AGBL4: variants seen among roughly 807,000 people sequenced by gnomAD.
The protein encoded by AGBL4 is cytosolic carboxypeptidase 6.
A neutral mutation model predicts 66.4 loss-of-function variants in AGBL4; 58 were observed. The observed-to-expected ratio is 0.87, with a 90% confidence interval of 0.71 to 1.09. The LOEUF (loss-of-function observed/expected upper bound fraction) is 1.09, where lower values mean the gene tolerates loss of function less well. AGBL4 is among the 50% of genes least tolerant of loss of function. AGBL4 has a pLI of 0.00. For missense variants in AGBL4, 579 were observed against 631.0 expected, an observed-to-expected ratio of 0.92 and a Z score of 0.88; for synonymous variants, 234 against 222.9, an observed-to-expected ratio of 1.05 and a Z score of -0.44.
intron 3 of AGBL4, among the ~76,000 whole-genome samples, chr1:49,669,155 T>A (rs557847883): frequency 6.6e-6 from 1 of 152,032 alleles, no homozygotes; most frequent in African/African-American, 2.4e-5. Flanking sequence ...GTGATGAGAA[T>A]AGAACCCTCA....
chr1:49,474,949 T>C (rs1294175543), intron 3 of AGBL4, among the ~76,000 whole-genome samples: 1 of 152,084 alleles, frequency 6.6e-6, no homozygotes, highest in Non-Finnish European at 1.5e-5. Flanking sequence ...ACTGGATTGT[T>C]CCAGCTAAAA....
intron 3 of AGBL4, among the ~76,000 whole-genome samples, chr1:49,540,332 A>T (rs1481240452): frequency 3.9e-5 from 6 of 152,176 alleles, no homozygotes; most frequent in African/African-American, 1.4e-4. Flanking sequence ...CTTTTCCAAC[A>T]GGCAATATAC....
intron 2 of AGBL4, among the ~76,000 whole-genome samples, chr1:49,750,477 C>T (rs998346606): frequency 1.3e-5 from 2 of 152,154 alleles, no homozygotes; most frequent in Non-Finnish European, 2.9e-5. Context: ...CTGTACCACG[C>T]TGTTTGGGTT....
Position 49,286,030 on chromosome 1 carries a change from C to T in AGBL4, c.283-40166G>A, listed in dbSNP as rs184960469. On this transcript the variant is annotated intron_variant, in intron 3 of 13. Transcript: ENST00000371839. ...TTATCCACCATGATCAAGTGGGCTT[C>T]ATCCCTGCGATGCAAGGCTGGTTCA... Among the ~76,000 whole-genome samples the T allele has an allele frequency of 2.0e-5, 3 of 152,304 alleles. No individual in the cohort carries two copies. In the East Asian group the frequency reaches 5.8e-4, roughly 29 times the overall value.
At chr1:49,707,766 A>T (rs1354587681) in intron 2 of AGBL4, among the ~76,000 whole-genome samples, 1 of 152,054 alleles carries the variant, frequency 6.6e-6, no homozygotes, top group Non-Finnish European at 1.5e-5. Flanking sequence ...AAAATTCCTC[A>T]GCATTTGATT....
chr1:48,836,643 G>A (rs997927924), intron 6 of AGBL4, among the ~76,000 whole-genome samples: 1 of 152,112 alleles, frequency 6.6e-6, no homozygotes, highest in Non-Finnish European at 1.5e-5. Flanking sequence ...ATCAGTGTCA[G>A]ATGGGAAAAT....
chr1:49,552,266 G>T (rs867342265), intron 3 of AGBL4, among the ~76,000 whole-genome samples: 1 of 152,094 alleles, frequency 6.6e-6, no homozygotes, highest in Non-Finnish European at 1.5e-5. Flanking sequence ...TTCTTCCCCC[G>T]CCTGTGGAGT....
chr1:49,820,804 G>A (rs778276526), intron 2 of AGBL4, among the ~76,000 whole-genome samples: 1 of 152,258 alleles, frequency 6.6e-6, no homozygotes, highest in South Asian at 2.1e-4. Context: ...ATAAGAACAG[G>A]TTTTGAGGTC....
intron 3 of AGBL4, among the ~76,000 whole-genome samples, chr1:49,405,200 A>G (rs902068734): frequency 6.6e-6 from 1 of 152,200 alleles, no homozygotes; most frequent in Admixed American, 6.5e-5. Context: ...AATAACATTC[A>G]GAGAGGCCCA....
chr1:49,747,556 A>T (rs1334107525), intron 2 of AGBL4, among the ~76,000 whole-genome samples: 1 of 152,198 alleles, frequency 6.6e-6, no homozygotes, highest in Non-Finnish European at 1.5e-5. Context: ...AGTTTTTCCT[A>T]ACCCAAAATG....
chr1:49,880,021 T>G (rs1647167771), intron 1 of AGBL4, among the ~76,000 whole-genome samples: 1 of 151,108 alleles, frequency 6.6e-6, no homozygotes, highest in Non-Finnish European at 1.5e-5. Flanking sequence ...TCAGCTCCTT[T>G]AAGCACTTCT....
intron 5 of AGBL4, among the ~76,000 whole-genome samples, chr1:48,964,674 A>G (rs1465490142): frequency 6.6e-6 from 1 of 152,178 alleles, no homozygotes; most frequent in African/African-American, 2.4e-5. Context: ...GCCAAAAGCC[A>G]TTTTATTATT....
intron 3 of AGBL4, among the ~76,000 whole-genome samples, chr1:49,612,129 G>A (rs1276286630): frequency 2.6e-5 from 4 of 152,096 alleles, no homozygotes; most frequent in Non-Finnish European, 5.9e-5. Context: ...TGATAAATGT[G>A]CCTTTTTATT....
At chr1:48,941,450 A>AG (rs562887654) in intron 5 of AGBL4, among the ~76,000 whole-genome samples, 5 of 152,230 alleles carry the variant, frequency 3.3e-5, no homozygotes, top group Non-Finnish European at 7.3e-5. Context: ...CAACACTCAA[A>AG]GGAATAAAGT....
chr1:49,543,551 G>A (rs991407293), intron 3 of AGBL4, among the ~76,000 whole-genome samples: 26 of 152,086 alleles, frequency 1.7e-4, no homozygotes, highest in African/African-American at 5.1e-4. Flanking sequence ...GTAAGGAGCC[G>A]AGAATACTGT....
At chr1:49,622,646 A>G (rs954909719) in intron 3 of AGBL4, among the ~76,000 whole-genome samples, 8 of 150,784 alleles carry the variant, frequency 5.3e-5, no homozygotes, top group South Asian at 2.1e-4. Context: ...AAAAAAAAAA[A>G]AAAAAAAAGA....
At chr1:49,948,085 A>AATACATATAAATATATAAAT (rs1557608266) in intron 1 of AGBL4, among the ~76,000 whole-genome samples, 8 of 85,106 alleles carry the variant, frequency 9.4e-5, no homozygotes, top group African/African-American at 4.1e-4. Flanking sequence ...AATATATGTA[A>AATACATATAAATATATAAAT]ATATATGTAT....
chr1:49,303,212 T>C (rs1372492794), intron 3 of AGBL4, among the ~76,000 whole-genome samples: 2 of 152,182 alleles, frequency 1.3e-5, no homozygotes, highest in African/African-American at 4.8e-5. Flanking sequence ...TATTTCTGGT[T>C]CTAGGTCTTT....
At chr1:49,519,178 C>A (rs149344793) in intron 3 of AGBL4, among the ~76,000 whole-genome samples, 1 of 151,978 alleles carries the variant, frequency 6.6e-6, no homozygotes, top group South Asian at 2.1e-4. Context: ...GAATACCAAA[C>A]CTGACTTATG....
Sources: gnomAD v4.1 joint callset for allele counts (sites outside exome capture counted in the v4.1 genomes callset) on GRCh38, gnomAD v4.1.1 for gene constraint, MANE v1.5 for transcripts, NCBI Gene and HGNC (gene_info 2026-07-23, HGNC 2026-07-21) for gene names.